Variants in ADGRF5 observed in about 807,000 individuals in gnomAD.
ADGRF5 encodes the protein G-protein coupled receptor 116.
A neutral mutation model predicts 132.3 loss-of-function variants in ADGRF5; 75 were observed. The observed-to-expected ratio is 0.57, with a 90% CI of 0.47 to 0.69. The LOEUF (loss-of-function observed/expected upper bound fraction) is 0.69, where lower values mean the gene tolerates loss of function less well. ADGRF5 is among the 30% of genes least tolerant of loss of function. The pLI is 0.00. For synonymous variants in ADGRF5, 629 were observed against 597.6 expected (o/e 1.05, Z -0.77); for missense variants, 1,516 against 1,630.6 (o/e 0.93, Z 1.21).
At chr6:46,861,553 T>C (rs1218366345) in intron 15 of ADGRF5, among the ~76,000 whole-genome samples, 1 of 152,222 alleles carries the variant, frequency 6.6e-6, no homozygotes, top group Non-Finnish European at 1.5e-5. Flanking sequence ...ATTGGTTTTA[T>C]ATAACATACT....
At chr6:46,881,997 C>T in intron 7 of ADGRF5, 52 bp downstream of exon 7, 3 of 1,283,504 alleles carry the variant, frequency 2.3e-6, no homozygotes, top group Non-Finnish European at 2.3e-6. Flanking sequence ...TCCTTCACTA[C>T]CATATGGATC....
rs552704697 is a variant in ADGRF5 at position 46,889,372 on chromosome 6, T to C, written c.158-867A>G. Among the ~76,000 whole-genome samples the C allele has an allele frequency of 1.2e-3, 174 of 147,470 alleles. 1 individual carries two copies. Among genetic ancestry groups the C allele is most frequent in the Non-Finnish European group, 1.9e-3 (129 of 67,082 alleles). On this transcript the variant is annotated intron_variant, in intron 3 of 20. Coordinates refer to ENST00000283296, the MANE Select transcript of ADGRF5 (RefSeq NM_001098518.2). ...TATATAGAGTAGTCCATATACAGTC[T>C]ATGTATAGAGACTACATAGTCTTTG...
intron 1 of ADGRF5, among the ~76,000 whole-genome samples, chr6:46,952,039 C>T (rs1052704696): frequency 7.2e-5 from 11 of 152,288 alleles, no homozygotes; most frequent in African/African-American, 2.2e-4. Context: ...GGGATTCTCT[C>T]CCCTGTAGCT....
chr6:46,862,703 C>CTGTTTTTTTTTTTTT (rs1769908543), intron 15 of ADGRF5, among the ~76,000 whole-genome samples, 185 bp downstream of exon 15: 1 of 26,506 alleles, frequency 3.8e-5, no homozygotes, highest in East Asian at 1.9e-3. Flanking sequence ...TGAATTGAGG[C>CTGTTTTTTTTTTTTT]TTTTTTTTTT....
At chr6:46,901,720 G>T (rs1487682592) in intron 2 of ADGRF5, among the ~76,000 whole-genome samples, 1 of 151,798 alleles carries the variant, frequency 6.6e-6, no homozygotes, top group African/African-American at 2.4e-5. Context: ...TATCAGCAGA[G>T]TCCTGGGAAA....
intron 3 of ADGRF5, among the ~76,000 whole-genome samples, chr6:46,897,588 T>C (rs1400431117): frequency 6.6e-6 from 1 of 152,154 alleles, no homozygotes; most frequent in Non-Finnish European, 1.5e-5. Context: ...CTTTTTTTTC[T>C]CTTTGAGATG....
chr6:46,872,016 A>T lies in ADGRF5; in HGVS notation c.1241-3T>A, dbSNP rs771016790. 14 of 1,578,302 alleles carry T rather than the reference A, an allele frequency of 8.9e-6. No individual in the cohort carries two copies. Among genetic ancestry groups the T allele is most frequent in the Non-Finnish European group, 1.2e-5 (14 of 1,155,132 alleles). On this transcript the variant is annotated splice_polypyrimidine_tract_variant and splice_region_variant and intron_variant, in intron 10 of 20. Coordinates refer to ENST00000283296, the MANE Select transcript of ADGRF5 (RefSeq NM_001098518.2). ...ATCTATGTCTGTCTCAGGGGTTCCTATAATGAGAAGCAAATTGTTGCCATC... is the reference window on the plus strand; with the variant it reads ...ATCTATGTCTGTCTCAGGGGTTCCTTTAATGAGAAGCAAATTGTTGCCATC...
At chr6:46,864,551 G>C (rs1255827736) in intron 14 of ADGRF5, among the ~76,000 whole-genome samples, 1 of 147,508 alleles carries the variant, frequency 6.8e-6, no homozygotes, top group South Asian at 2.1e-4. Flanking sequence ...TTTTGAGACG[G>C]AATCTCTCTG....
chr6:46,943,339 A>G (rs1051820989), intron 1 of ADGRF5, among the ~76,000 whole-genome samples: 1 of 152,194 alleles, frequency 6.6e-6, no homozygotes, highest in Non-Finnish European at 1.5e-5. Context: ...TAAATCTTAT[A>G]CTTTTCCCAA....
In ADGRF5 at chr6:46,896,132, C is replaced by A. The variant is rs73470808; in HGVS notation, c.157+3897G>T. Among the ~76,000 whole-genome samples, 497 of 152,298 alleles carry A rather than the reference C, an allele frequency of 3.3e-3. 1 individual carries two copies. Among genetic ancestry groups the A allele is most frequent in the African/African-American group, 0.011 (471 of 41,554 alleles). On this transcript the variant is annotated intron_variant, in intron 3 of 20. Coordinates refer to ENST00000283296, the MANE Select transcript of ADGRF5 (RefSeq NM_001098518.2). ...TGGCTGGTCTCCCAGGCACTAATTTCTTCGTGTAATTTATTTAGCCATAAC... is the reference window on the plus strand; with the variant it reads ...TGGCTGGTCTCCCAGGCACTAATTTATTCGTGTAATTTATTTAGCCATAAC...
chr6:46,948,624 G>T (rs749347124), intron 1 of ADGRF5, among the ~76,000 whole-genome samples: 2 of 152,098 alleles, frequency 1.3e-5, no homozygotes, highest in Non-Finnish European at 2.9e-5. Flanking sequence ...TCCTCAAACA[G>T]CATCGCTGTC....
chr6:46,933,532 G>GT (rs1777666862), intron 1 of ADGRF5, among the ~76,000 whole-genome samples: 1 of 152,170 alleles, frequency 6.6e-6, no homozygotes, highest in African/African-American at 2.4e-5. Context: ...GACCGACCTA[G>GT]TTGGCCTGGT....
chr6:46,915,732 C>T (rs187863280), intron 1 of ADGRF5, among the ~76,000 whole-genome samples: 165 of 151,866 alleles, frequency 1.1e-3, no homozygotes, highest in African/African-American at 3.8e-3. Context: ...TTACTTTATC[C>T]CCCCACCCCC....
At chr6:46,935,719 T>C (rs1777787660) in intron 1 of ADGRF5, among the ~76,000 whole-genome samples, 1 of 152,104 alleles carries the variant, frequency 6.6e-6, no homozygotes, top group African/African-American at 2.4e-5. Context: ...TTCAACTCCA[T>C]CTGGAAACAT....
In ADGRF5 at chr6:46,941,426, G is replaced by GAAAAGAAAAGAAAAGAA. The variant is rs1561838793; in HGVS notation, c.-25+13291_-25+13307dup. 8.8e-4 allele frequency among the ~76,000 whole-genome samples: 38 copies of GAAAAGAAAAGAAAAGAA among 43,224 alleles called. 1 individual carries two copies. The highest frequency in any genetic ancestry group is 2.1e-3 in the African/African-American group (35 of 16,850). The allele number at this position is 43,224 out of a possible 152,430, so 28.4% of individuals were successfully genotyped here. On this transcript the variant is annotated intron_variant, in intron 1 of 20. Coordinates refer to the ADGRF5 transcript ENST00000265417. ...GAAAAGAAAAGAAAAGAAAAGAAAA[G>GAAAAGAAAAGAAAAGAA]AAAAGAAAAGAAAAGAAAAGAAAAG...
At chr6:46,877,598 A>C (rs1302375892) in intron 10 of ADGRF5, among the ~76,000 whole-genome samples, 2 of 152,006 alleles carry the variant, frequency 1.3e-5, no homozygotes, top group East Asian at 3.9e-4. Context: ...ATTATTCATC[A>C]ATATAAACTG....
chr6:46,860,698 A>G lies in ADGRF5; in HGVS notation c.2379+17T>C. 6.3e-7 allele frequency: 1 copy of G among 1,596,604 alleles called. No homozygotes were observed. The highest frequency in any genetic ancestry group is 8.6e-7 in the Non-Finnish European group (1 of 1,167,006). ...AAGGTAAGACCCAAAACTCCTGCAAAGGTTAAGCAAACTCACCGTCATCAT... is the reference window on the plus strand; with the variant it reads ...AAGGTAAGACCCAAAACTCCTGCAAGGGTTAAGCAAACTCACCGTCATCAT... On this transcript the variant is annotated intron_variant, in intron 16 of 20. Coordinates refer to ENST00000283296, the MANE Select transcript of ADGRF5 (RefSeq NM_001098518.2).
rs1770610442 is a variant in ADGRF5, at chr6:46,867,784, T to G, written c.1622-647A>C. 5.0e-5 allele frequency among the ~76,000 whole-genome samples: 4 copies of G among 80,096 alleles called. No individual in the cohort carries two copies. The Admixed American group carries it at 6.7e-4, about 14-fold the overall frequency. The allele number at this position is 80,096 out of a possible 152,430, so 52.5% of individuals were successfully genotyped here. A position where few individuals can be genotyped will look rare whatever the true frequency, so the allele number is the denominator to read the frequency against. On this transcript the variant is annotated intron_variant, in intron 12 of 20. Transcript: ENST00000283296. ...ACGAGCAAAGAAAGGAAACTCCTTT[T>G]AATTCCTGCTGCGGGGGGGAAGAGG...
chr6:46,901,230 A>T (rs1296490827), intron 2 of ADGRF5, among the ~76,000 whole-genome samples: 3 of 152,156 alleles, frequency 2.0e-5, no homozygotes, highest in Admixed American at 1.3e-4. Flanking sequence ...AGCTGGTAAC[A>T]GAGCCTACCC....
Sources: gnomAD v4.1 joint callset for allele counts (sites outside exome capture counted in the v4.1 genomes callset) on GRCh38, gnomAD v4.1.1 for gene constraint, MANE v1.5 for transcripts, NCBI Gene and HGNC (gene_info 2026-07-23, HGNC 2026-07-21) for gene names.